PACRG: variants seen among roughly 807,000 people sequenced by gnomAD.
The protein encoded by PACRG is parkin coregulated, also known as parkin coregulated gene protein.
Under a neutral mutation model 29.7 loss-of-function variants are expected in PACRG, and 29 were observed. That is an observed-to-expected ratio of 0.98 (90% CI 0.73 to 1.33). PACRG has a LOEUF of 1.33. Among genes scored for constraint, PACRG ranks in the 40% most tolerant of loss-of-function variants. PACRG has a pLI of 0.00. For missense variants in PACRG, 279 were observed against 316.2 expected (o/e 0.88, Z 0.89); for synonymous variants, 116 against 118.7 (o/e 0.98, Z 0.15).
chr6:162,731,619 A>C (rs1447452870), intron 1 of PACRG, among the ~76,000 whole-genome samples: 3 of 152,030 alleles, frequency 2.0e-5, no homozygotes, highest in Non-Finnish European at 4.4e-5. Flanking sequence ...ATGGAGACTG[A>C]GGGATGACTG....
chr6:162,884,609 A>T lies in PACRG; in HGVS notation c.291+70328A>T, dbSNP rs570570215. Among the ~76,000 whole-genome samples the T allele has an allele frequency of 2.6e-5, 4 of 152,322 alleles. No homozygotes were observed. In the South Asian group the frequency reaches 8.3e-4, roughly 32 times the overall value. On this transcript the variant is annotated intron_variant, in intron 2 of 4. Transcript: ENST00000366888. ...TAAAAAAATTAAGCAACTTATGACT[A>T]CTTCATGAATTTTAGTTACAAGCAG... is the stretch of plus-strand genomic sequence containing the variant.
At chr6:162,804,795 AG>A (rs1251212269) in intron 1 of PACRG, among the ~76,000 whole-genome samples, 2 of 152,192 alleles carry the variant, frequency 1.3e-5, no homozygotes, top group African/African-American at 4.8e-5. Flanking sequence ...AAGACTCTAT[AG>A]GATGCTTACC....
intron 1 of PACRG, among the ~76,000 whole-genome samples, chr6:162,808,283 C>T (rs763327677): frequency 1.3e-5 from 2 of 152,126 alleles, no homozygotes; most frequent in South Asian, 2.1e-4. Flanking sequence ...ATAACAATGG[C>T]GTTTTCATGA....
chr6:163,289,705 T>A (rs537937641), intron 4 of PACRG, among the ~76,000 whole-genome samples: 1 of 152,272 alleles, frequency 6.6e-6, no homozygotes, highest in Non-Finnish European at 1.5e-5. Flanking sequence ...GGAGTTATTC[T>A]GCTCCCTGCT....
chr6:163,105,915 T>A lies in PACRG; in HGVS notation c.613+16507T>A, dbSNP rs180892696. 8.5e-3 allele frequency among the ~76,000 whole-genome samples: 1,296 copies of A among 152,276 alleles called. 18 individuals carry two copies. The highest frequency in any genetic ancestry group is 0.03 in the African/African-American group (1,252 of 41,568). Reference sequence around the variant, plus strand: ...TGCTGGAGTAGAGATTTATAATTTTTAAAATTTTTAATGAGATTATTGACT... The same window carrying A: ...TGCTGGAGTAGAGATTTATAATTTTAAAAATTTTTAATGAGATTATTGACT... On this transcript the variant is annotated intron_variant, in intron 4 of 4. Coordinates refer to ENST00000366888, the MANE Select transcript of PACRG (RefSeq NM_001080379.2).
At chr6:163,272,218 T>C (rs1185814884) in intron 4 of PACRG, among the ~76,000 whole-genome samples, 1 of 152,164 alleles carries the variant, frequency 6.6e-6, no homozygotes, top group Non-Finnish European at 1.5e-5. Flanking sequence ...TTTGTATTTT[T>C]AGTAGAGACG....
intron 2 of PACRG, among the ~76,000 whole-genome samples, chr6:163,025,593 C>A (rs1456305424): frequency 6.6e-6 from 1 of 152,174 alleles, no homozygotes; most frequent in East Asian, 1.9e-4. Context: ...CCTTGTTGTG[C>A]AATTGTGAGA....
At chr6:163,155,623 A>G (rs1778280750) in intron 4 of PACRG, among the ~76,000 whole-genome samples, 1 of 152,242 alleles carries the variant, frequency 6.6e-6, no homozygotes, top group Non-Finnish European at 1.5e-5. Flanking sequence ...ATCTGCAACG[A>G]TTTTAAGCAT....
chr6:163,072,534 C>T (rs1812161477), intron 3 of PACRG, among the ~76,000 whole-genome samples: 1 of 152,092 alleles, frequency 6.6e-6, no homozygotes, highest in Non-Finnish European at 1.5e-5. Flanking sequence ...AGCCTTTCCT[C>T]CTAAAATCAG....
chr6:162,739,766 C>G (rs1047461681), intron 1 of PACRG, among the ~76,000 whole-genome samples: 3 of 150,736 alleles, frequency 2.0e-5, no homozygotes, highest in Non-Finnish European at 2.9e-5. Flanking sequence ...CACTTGAACC[C>G]GGGAGCCAGA....
intron 1 of PACRG, among the ~76,000 whole-genome samples, chr6:162,781,586 G>T (rs975975144): frequency 6.6e-6 from 1 of 151,452 alleles, no homozygotes. Flanking sequence ...CATAACATAC[G>T]TAGGATTAAA....
chr6:163,205,711 G>T (rs1303655712), intron 4 of PACRG, among the ~76,000 whole-genome samples: 1 of 152,112 alleles, frequency 6.6e-6, no homozygotes, highest in African/African-American at 2.4e-5. Flanking sequence ...ATTTACAAAT[G>T]GGACCTAATT....
intron 4 of PACRG, among the ~76,000 whole-genome samples, chr6:163,197,766 T>C (rs962659039): frequency 1.3e-5 from 2 of 152,182 alleles, no homozygotes; most frequent in African/African-American, 4.8e-5. Context: ...TCTATTCTTA[T>C]GTTAAATGTT....
At chr6:163,007,742 C>A (rs1321812713) in intron 2 of PACRG, among the ~76,000 whole-genome samples, 3 of 152,162 alleles carry the variant, frequency 2.0e-5, no homozygotes, top group African/African-American at 7.2e-5. Context: ...TCAGGCATAA[C>A]AATTAATCAG....
At chr6:163,071,595 G>A (rs1812056598) in intron 3 of PACRG, among the ~76,000 whole-genome samples, 1 of 149,212 alleles carries the variant, frequency 6.7e-6, no homozygotes. Flanking sequence ...AGAAAAACTT[G>A]AAATAAATAA....
chr6:162,855,737 A>G (rs1791335937), intron 2 of PACRG, among the ~76,000 whole-genome samples: 2 of 151,808 alleles, frequency 1.3e-5, no homozygotes, highest in Non-Finnish European at 2.9e-5. Flanking sequence ...CAGCGCCCCA[A>G]CTCCCTGCTT....
intron 4 of PACRG, among the ~76,000 whole-genome samples, chr6:163,277,494 T>C (rs1360193098): frequency 4.1e-5 from 3 of 73,440 alleles, no homozygotes; most frequent in East Asian, 7.4e-4. Context: ...TATATATATA[T>C]ACACACATAC....
chr6:162,822,251 A>G (rs1016732944), intron 2 of PACRG, among the ~76,000 whole-genome samples: 1 of 152,188 alleles, frequency 6.6e-6, no homozygotes, highest in Non-Finnish European at 1.5e-5. Context: ...GAAAGGAGAT[A>G]CCCAAACATG....
At chr6:163,175,713 G>A (rs1779314374) in intron 4 of PACRG, among the ~76,000 whole-genome samples, 1 of 150,094 alleles carries the variant, frequency 6.7e-6, no homozygotes, top group Non-Finnish European at 1.5e-5. Context: ...CAAGGAGTGT[G>A]AGTCCAGGGA....
Sources: gnomAD v4.1 joint callset for allele counts (sites outside exome capture counted in the v4.1 genomes callset) on GRCh38, gnomAD v4.1.1 for gene constraint, MANE v1.5 for transcripts, NCBI Gene and HGNC (gene_info 2026-07-23, HGNC 2026-07-21) for gene names.